Variants in CCDC171 observed in about 807,000 individuals in gnomAD.
CCDC171 encodes coiled-coil domain containing 171.
A neutral mutation model predicts 168.2 loss-of-function variants in CCDC171; 177 were observed. The ratio of observed to expected loss-of-function variants is 1.05; its 90% CI spans 0.93 to 1.19. The LOEUF (loss-of-function observed/expected upper bound fraction) is 1.19. Ranked by LOEUF, CCDC171 falls within the 50% of genes most tolerant of loss-of-function variation. The pLI, the probability that CCDC171 is intolerant of heterozygous loss-of-function variation, is 0.00. For synonymous variants in CCDC171, 687 were observed against 540.8 expected (o/e 1.27, Z -3.75); for missense variants, 1,991 against 1,539.0 (o/e 1.29, Z -4.91).
chr9:15,842,692 T>C (rs770323184), intron 21 of CCDC171, among the ~76,000 whole-genome samples: 12 of 151,944 alleles, frequency 7.9e-5, no homozygotes, highest in Non-Finnish European at 1.8e-4. Context: ...TTGTTTAGTA[T>C]GTGGATTACA....
rs1055368646 is a variant in CCDC171 at position 15,972,236 on chromosome 9, A to T, written c.*400A>T. 6.0e-6 allele frequency: 1 copy of T among 165,762 alleles called. No homozygotes were observed. The highest frequency in any genetic ancestry group is 1.8e-4 in the East Asian group (1 of 5,676). The allele number at this position is 165,762 out of a possible 1,614,324, so 10.3% of individuals were successfully genotyped here. On this transcript the variant is annotated 3_prime_UTR_variant, in exon 26 of 26. Transcript: ENST00000380701. ...AGAGAGCTATTTGAAATGTATGCCA[A>T]TGATTCCTGTCATTTCATGGCAGCC...
At chr9:16,045,524 G>A (rs943329365) in intron 1 of CCDC171, among the ~76,000 whole-genome samples, 1 of 152,158 alleles carries the variant, frequency 6.6e-6, no homozygotes, top group African/African-American at 2.4e-5. Flanking sequence ...TCCAGACATT[G>A]CCTAGTACTC....
rs546145180 is a variant in CCDC171, at chr9:15,956,404, G to T, written c.3754-15205G>T. Among the ~76,000 whole-genome samples the T allele has an allele frequency of 2.6e-5, 4 of 152,228 alleles. No homozygotes were observed. The South Asian group carries it at 8.3e-4, about 32-fold the overall frequency. On this transcript the variant is annotated intron_variant, in intron 25 of 25. Transcript: ENST00000380701. ...ATAATTCTGTCTTAGTAACTATAAG[G>T]ATCTGCATTTGGATGTCAGTAACAA...
chr9:15,814,355 C>T (rs1216536864), intron 21 of CCDC171, among the ~76,000 whole-genome samples: 2 of 152,040 alleles, frequency 1.3e-5, no homozygotes, highest in East Asian at 1.9e-4. Flanking sequence ...AAGATTTTGG[C>T]CCATAGATAA....
chr9:16,092,795 G>T, the CCDC171 span, among the ~76,000 whole-genome samples: 176 of 152,294 alleles, frequency 1.2e-3, no homozygotes, highest in African/African-American at 4.1e-3. Flanking sequence ...GTGGGATCTG[G>T]TCTCCATGGA....
chr9:15,608,944 CAAAAAAA>C (rs71491669), intron 6 of CCDC171, among the ~76,000 whole-genome samples: 14 of 13,724 alleles, frequency 1.0e-3, no homozygotes, highest in Non-Finnish European at 1.8e-3. Context: ...GACCCTGTCT[CAAAAAAA>C]AAAAAAAAAA....
chr9:16,090,674 C>A, the CCDC171 span, among the ~76,000 whole-genome samples: 16 of 152,194 alleles, frequency 1.1e-4, no homozygotes, highest in African/African-American at 3.6e-4. Context: ...CAACTTCTCA[C>A]CATGAAGTTT....
chr9:15,661,007 G>A (rs1013955889), intron 8 of CCDC171, among the ~76,000 whole-genome samples: 6 of 151,868 alleles, frequency 4.0e-5, no homozygotes, highest in Non-Finnish European at 5.9e-5. Context: ...TTTGCCGGGC[G>A]CGGGGGCTCA....
intron 7 of CCDC171, among the ~76,000 whole-genome samples, chr9:15,644,416 A>T (rs1289002551): frequency 6.6e-6 from 1 of 152,134 alleles, no homozygotes; most frequent in East Asian, 1.9e-4. Context: ...GGTGCAGCCC[A>T]GTGAGCGTGA....
At chr9:15,639,663 T>C (rs943171286) in intron 7 of CCDC171, among the ~76,000 whole-genome samples, 80 of 152,162 alleles carry the variant, frequency 5.3e-4, no homozygotes, top group African/African-American at 1.9e-3. Flanking sequence ...CCGTTAAGGC[T>C]CTGTTACCAT....
At chr9:16,033,787 C>T (rs1175856962) in intron 6 of CCDC171, among the ~76,000 whole-genome samples, 1 of 151,274 alleles carries the variant, frequency 6.6e-6, no homozygotes, top group Non-Finnish European at 1.5e-5. Context: ...CTCCCATAGT[C>T]TTCCTGAGAA....
intron 7 of CCDC171, among the ~76,000 whole-genome samples, chr9:15,626,183 T>C (rs1405594565): frequency 1.3e-5 from 2 of 152,260 alleles, no homozygotes; most frequent in Non-Finnish European, 2.9e-5. Context: ...GAGACTTTGC[T>C]GAAGTTGCTT....
chr9:15,657,192 A>G lies in CCDC171; in HGVS notation c.888A>G (p.Glu296=). Residue 296 remains glutamate, a synonymous_variant, in exon 8 of 26, where the codon GAA becomes GAG. Transcript: ENST00000380701. ...AAGCAGAAAGAGCAGCGCATTTGGA[A>G]TCAAAATTTAATTCTGAAATTATTC... is the stretch of plus-strand genomic sequence containing the variant. ...NIEAERAAHL[E]SKFNSEIIQL... is the part of the protein sequence containing the mutation. 1 of 1,610,392 alleles carries G rather than the reference A, an allele frequency of 6.2e-7. No homozygotes were observed. The highest frequency in any genetic ancestry group is 8.5e-7 in the Non-Finnish European group (1 of 1,177,078).
chr9:15,940,728 A>G (rs1394643364), intron 25 of CCDC171, among the ~76,000 whole-genome samples: 1 of 151,924 alleles, frequency 6.6e-6, no homozygotes, highest in East Asian at 1.9e-4. Flanking sequence ...TGTGGTGGAA[A>G]GCAAACTGGA....
At chr9:15,816,285 T>A (rs534602967) in intron 21 of CCDC171, among the ~76,000 whole-genome samples, 1 of 117,952 alleles carries the variant, frequency 8.5e-6, no homozygotes, top group South Asian at 2.7e-4. Flanking sequence ...TGTATAAACT[T>A]TTTTACAAAC....
At chr9:15,735,509 A>G (rs1012330527) in intron 16 of CCDC171, among the ~76,000 whole-genome samples, 1 of 152,200 alleles carries the variant, frequency 6.6e-6, no homozygotes, top group Non-Finnish European at 1.5e-5. Context: ...GATTTATTTG[A>G]CATTTTAGTA....
chr9:16,014,991 T>C (rs1832972284), intron 3 of CCDC171, among the ~76,000 whole-genome samples: 1 of 152,082 alleles, frequency 6.6e-6, no homozygotes, highest in South Asian at 2.1e-4. Context: ...CTTGAACTCT[T>C]CCAATATAAG....
chr9:15,809,636 G>A (rs892496537), intron 21 of CCDC171, among the ~76,000 whole-genome samples: 2 of 151,400 alleles, frequency 1.3e-5, no homozygotes, highest in South Asian at 2.1e-4. Context: ...CCTGTCCGGA[G>A]TTGTTCATTC....
At chr9:15,657,527 A>G (rs1022107516) in intron 8 of CCDC171, among the ~76,000 whole-genome samples, 13 of 152,176 alleles carry the variant, frequency 8.5e-5, no homozygotes, top group African/African-American at 3.1e-4. Flanking sequence ...GGCAGTCTGC[A>G]AAGAAATTTG....
Sources: gnomAD v4.1 joint callset for allele counts (sites outside exome capture counted in the v4.1 genomes callset) on GRCh38, gnomAD v4.1.1 for gene constraint, MANE v1.5 for transcripts, NCBI Gene and HGNC (gene_info 2026-07-23, HGNC 2026-07-21) for gene names.